NAV2: variants seen among roughly 807,000 people sequenced by gnomAD.
The protein encoded by NAV2 is neuron navigator 2, also known as helicase, APC down-regulated 1.
A neutral mutation model predicts 223.2 loss-of-function variants in NAV2; 54 were observed. That is an observed-to-expected ratio of 0.24 (90% confidence interval 0.19 to 0.30). NAV2 has a LOEUF of 0.30. NAV2 is among the 10% of genes least tolerant of loss of function. The pLI, the probability that NAV2 is intolerant of heterozygous loss-of-function variation, is 1.00. For synonymous variants in NAV2, 1,279 were observed against 1,239.3 expected, an observed-to-expected ratio of 1.03 and a Z score of -0.67; for missense variants, 2,806 against 3,147.5, an observed-to-expected ratio of 0.89 and a Z score of 2.60.
At chr11:20,004,116 C>T (rs906672363) in intron 11 of NAV2, among the ~76,000 whole-genome samples, 1 of 152,136 alleles carries the variant, frequency 6.6e-6, no homozygotes, top group Non-Finnish European at 1.5e-5. Flanking sequence ...GAGATGGAGA[C>T]ACCTCCTGAC....
At chr11:19,402,528 A>G (rs1298326422) in intron 1 of NAV2, among the ~76,000 whole-genome samples, 2 of 152,112 alleles carry the variant, frequency 1.3e-5, no homozygotes, top group African/African-American at 4.8e-5. Context: ...TTGCACTTAT[A>G]GTGTAATTTA....
At position 19,998,518 on chromosome 11, in the gene NAV2, T is replaced by C. The variant is rs868446212; in HGVS notation, c.2768+14271T>C. On this transcript the variant is annotated intron_variant, in intron 11 of 37. Transcript: ENST00000349880. This position sits in a 1 kb window ranked among gnomAD's most constrained non-coding sequence, Gnocchi z 5.0. ...TAGTGCCTTTCCATTGCACCTAGAA[T>C]AAAGGTCAGACTCCTTGCCGTGGCC... Among the ~76,000 whole-genome samples the C allele has an allele frequency of 1.3e-5, 2 of 152,120 alleles. No individual in the cohort carries two copies. Among genetic ancestry groups the C allele is most frequent in the Non-Finnish European group, 2.9e-5 (2 of 68,012 alleles).
Position 20,005,639 on chromosome 11 carries a change from A to G in NAV2, c.2768+21392A>G, listed in dbSNP as rs72918727. ...TTTCAATAAGGAGAGGAATACAGGG[A>G]CAGGGAATCAACATTTCTGTGCACT... is the stretch of plus-strand genomic sequence containing the variant. On this transcript the variant is annotated intron_variant, in intron 11 of 37. Coordinates refer to ENST00000349880, the MANE Select transcript of NAV2 (RefSeq NM_145117.5). Among the ~76,000 whole-genome samples, 28 of 152,016 alleles carry G rather than the reference A, an allele frequency of 1.8e-4. No individual in the cohort carries two copies. In the Middle Eastern group the frequency reaches 0.01, roughly 57 times the overall value.
intron 4 of NAV2, among the ~76,000 whole-genome samples, chr11:19,878,146 C>A (rs1031718994): frequency 6.6e-6 from 1 of 152,190 alleles, no homozygotes; most frequent in African/African-American, 2.4e-5. Context: ...CCACATCAGT[C>A]CTGGCTATCA....
intron 1 of NAV2, among the ~76,000 whole-genome samples, chr11:19,721,209 A>G (rs1343507278): frequency 3.3e-5 from 5 of 152,234 alleles, no homozygotes; most frequent in Admixed American, 6.5e-5. Flanking sequence ...AATCACTTTC[A>G]AATTTCCTTT....
intron 3 of NAV2, among the ~76,000 whole-genome samples, chr11:19,864,586 C>T (rs1489815058): frequency 6.6e-6 from 1 of 152,202 alleles, no homozygotes; most frequent in Non-Finnish European, 1.5e-5. Flanking sequence ...CTCCCTGGCT[C>T]TCCTTGGTGG....
In NAV2 at chr11:19,963,372, C is replaced by T. The variant is rs117113237; in HGVS notation, c.2645+14292C>T. ...CATTCAGCCAGGCTGATTCAAAGCC[C>T]GGGATCCCAAGCACCCTATAGGATG... On this transcript the variant is annotated intron_variant, in intron 10 of 37. Coordinates refer to ENST00000349880, the MANE Select transcript of NAV2 (RefSeq NM_145117.5). Among the ~76,000 whole-genome samples the T allele has an allele frequency of 5.2e-3, 791 of 152,268 alleles. 15 individuals are homozygous for T. Among genetic ancestry groups the T allele is most frequent in the South Asian group, 0.043 (206 of 4,826 alleles).
At chr11:19,432,601 A>T (rs4616002) in intron 1 of NAV2, among the ~76,000 whole-genome samples, 30,364 of 152,162 alleles carry the variant, frequency 0.2, 3,419 homozygotes, top group Middle Eastern at 0.29. Context: ...CTGAGAAGAC[A>T]TGGAGCATGG....
chr11:20,024,658 AG>A (rs1489364068), intron 11 of NAV2, among the ~76,000 whole-genome samples: 1 of 152,238 alleles, frequency 6.6e-6, no homozygotes, highest in East Asian at 1.9e-4. Flanking sequence ...AGAGAGCTTA[AG>A]GGCAAGTCCT....
Position 19,642,544 on chromosome 11 carries a change from C to T in NAV2, c.76-189940C>T, listed in dbSNP as rs143988287. 1.0e-3 allele frequency among the ~76,000 whole-genome samples: 154 copies of T among 152,294 alleles called. 3 individuals are homozygous for T. Among genetic ancestry groups the T allele is most frequent in the African/African-American group, 3.5e-3 (146 of 41,556 alleles). On this transcript the variant is annotated intron_variant, in intron 1 of 37. Transcript: ENST00000360655. ...GCTGGATTCTCTCTGTCTCCTAAAT[C>T]ATCCGCTTTGACTTCTTCCTCTCCA... is the stretch of plus-strand genomic sequence containing the variant.
At chr11:19,698,456 C>G (rs903338091) in intron 1 of NAV2, among the ~76,000 whole-genome samples, 1 of 152,226 alleles carries the variant, frequency 6.6e-6, no homozygotes, top group South Asian at 2.1e-4. Context: ...GATGAGAAAG[C>G]TAAGCTTGAA....
chr11:20,042,040 G>A (rs1485500109), intron 12 of NAV2, among the ~76,000 whole-genome samples: 4 of 152,124 alleles, frequency 2.6e-5, no homozygotes, highest in Non-Finnish European at 5.9e-5. Flanking sequence ...TCCACCATGG[G>A]TGGGAAATCA....
intron 1 of NAV2, among the ~76,000 whole-genome samples, chr11:19,563,556 A>G (rs1375818347): frequency 1.3e-5 from 2 of 152,194 alleles, no homozygotes; most frequent in African/African-American, 4.8e-5. Flanking sequence ...TTGAAGTAGC[A>G]TCCATTAATC....
At chr11:19,939,333 A>G (rs1221742204) in intron 7 of NAV2, among the ~76,000 whole-genome samples, 1 of 152,208 alleles carries the variant, frequency 6.6e-6, no homozygotes, top group Non-Finnish European at 1.5e-5. Context: ...AGGTTAAATT[A>G]TTCAAATCAC....
intron 1 of NAV2, among the ~76,000 whole-genome samples, chr11:19,376,467 G>A (rs188089516): frequency 9.2e-5 from 14 of 152,248 alleles, no homozygotes; most frequent in African/African-American, 3.4e-4. Context: ...AGGGGACGAG[G>A]GACTCACCTG....
At chr11:19,595,853 T>C (rs185973637) in intron 1 of NAV2, among the ~76,000 whole-genome samples, 2 of 152,292 alleles carry the variant, frequency 1.3e-5, no homozygotes, top group African/African-American at 4.8e-5. Context: ...TAAGCCACCA[T>C]GCCTGGCCAG....
rs551351251 is a variant in NAV2, at chr11:19,579,430, A to G, written c.75+228403A>G. Among the ~76,000 whole-genome samples the G allele has an allele frequency of 3.3e-4, 51 of 152,326 alleles. 2 individuals are homozygous for G. The highest frequency in any genetic ancestry group is 1.2e-3 in the African/African-American group (49 of 41,566). Reference sequence around the variant, plus strand: ...CTGCCCTTCATAACACAGCTCAAGCAGCTGGACAGAGACGGAGAAAGGGCC... The same window carrying G: ...CTGCCCTTCATAACACAGCTCAAGCGGCTGGACAGAGACGGAGAAAGGGCC... On this transcript the variant is annotated intron_variant, in intron 1 of 37. Transcript: ENST00000360655.
intron 1 of NAV2, among the ~76,000 whole-genome samples, chr11:19,603,046 T>C (rs568658304): frequency 6.6e-6 from 1 of 152,232 alleles, no homozygotes; most frequent in African/African-American, 2.4e-5. Flanking sequence ...TTCTGCTCCG[T>C]GGGCAGAGGG....
At chr11:20,018,941 A>G (rs1287844366) in intron 11 of NAV2, among the ~76,000 whole-genome samples, 3 of 152,180 alleles carry the variant, frequency 2.0e-5, no homozygotes, top group Non-Finnish European at 4.4e-5. Flanking sequence ...GGGCCTAGGA[A>G]GTGGGAAGAA....
Sources: gnomAD v4.1 joint callset for allele counts (sites outside exome capture counted in the v4.1 genomes callset) on GRCh38, gnomAD v4.1.1 for gene constraint, Gnocchi (gnomAD v3.1) non-coding constraint, MANE v1.5 for transcripts, NCBI Gene and HGNC (gene_info 2026-07-23, HGNC 2026-07-21) for gene names.